Variants in LMO3 observed in about 807,000 individuals in gnomAD.
The protein encoded by LMO3 is LIM domain only 3.
LMO3 carries 2 observed loss-of-function variants against 15.8 expected under a neutral mutation model. The observed-to-expected ratio is 0.13, with a 90% CI of 0.05 to 0.40. LMO3 has a LOEUF of 0.40. Among genes scored for constraint, LMO3 ranks in the 10% least tolerant of loss-of-function variants. The pLI, the probability that LMO3 is intolerant of heterozygous loss-of-function variation, is 0.99. For missense variants in LMO3, 86 were observed against 182.2 expected (o/e 0.47, Z 3.04); for synonymous variants, 62 against 63.8 (o/e 0.97, Z 0.13).
chr12:16,555,811 A>G lies in LMO3; in HGVS notation c.333-4484T>C, dbSNP rs1421262317. ...AATTTGCCTGAAAATTCCTTTCCTC[A>G]CTGCTCCCTGGCTCCCTCATCTTCC... On this transcript the variant is annotated intron_variant, in intron 3 of 3. Coordinates refer to ENST00000537304, the MANE Select transcript of LMO3 (RefSeq NM_018640.5). This position sits in a 1 kb window ranked among gnomAD's most constrained non-coding sequence, Gnocchi z 5.5. 6.6e-6 allele frequency among the ~76,000 whole-genome samples: 1 copy of G among 152,030 alleles called. No homozygotes were observed. The highest frequency in any genetic ancestry group is 2.4e-5 in the African/African-American group (1 of 41,452).
At position 16,549,963 on chromosome 12, in the gene LMO3, TGA is replaced by T. The variant is rs1201691396; in HGVS notation, c.*1257_*1258del. ...CTGAGTTGGCAATTACTTAAAACAA[TGA>T]GAGAGTAAAACACATCAAACTTAAA... is the stretch of plus-strand genomic sequence containing the variant. On this transcript the variant is annotated 3_prime_UTR_variant, in exon 4 of 4. Transcript: ENST00000537304. 1 of 152,058 alleles carries T rather than the reference TGA, an allele frequency of 6.6e-6. No individual in the cohort carries two copies. Among genetic ancestry groups the T allele is most frequent in the African/African-American group, 2.4e-5 (1 of 41,420 alleles). 9.4% of individuals were successfully genotyped at this position (152,058 alleles called of 1,614,324 possible).
chr12:16,590,834 G>C (rs1358980593), intron 2 of LMO3, among the ~76,000 whole-genome samples: 1 of 151,848 alleles, frequency 6.6e-6, no homozygotes, highest in Non-Finnish European at 1.5e-5. Flanking sequence ...CCCTTAGATT[G>C]GCAACAGATC....
At position 16,548,993 on chromosome 12, in the gene LMO3, G is replaced by A. The variant is rs1245359386; in HGVS notation, c.*2229C>T. 1 of 152,142 alleles carries A rather than the reference G, an allele frequency of 6.6e-6. No homozygotes were observed. Among genetic ancestry groups the A allele is most frequent in the African/African-American group, 2.4e-5 (1 of 41,444 alleles). The allele number at this position is 152,142 out of a possible 1,614,324, so 9.4% of individuals were successfully genotyped here. A position where few individuals can be genotyped will look rare whatever the true frequency, so the allele number is the denominator to read the frequency against. Reference sequence around the variant, plus strand: ...GAACAACTTCAAGAAGCTGAGAGAAGTTTGTTCCCAATTTACAAGTATTTT... The same window carrying A: ...GAACAACTTCAAGAAGCTGAGAGAAATTTGTTCCCAATTTACAAGTATTTT... On this transcript the variant is annotated 3_prime_UTR_variant, in exon 4 of 4. Transcript: ENST00000537304. The surrounding 1 kb of genome is among the most constrained non-coding windows in gnomAD (Gnocchi z 4.2).
In LMO3 at chr12:16,604,679, T is replaced by C. The variant is rs1943930823; in HGVS notation, c.-9+1387A>G. ...CCACACAGGGATGGTTTGCAAAGAA[T>C]GTAGCAGTATTTGTTGCATCTAGCA... On this transcript the variant is annotated intron_variant, in intron 1 of 3. Transcript: ENST00000537304. The surrounding 1 kb of genome is among the most constrained non-coding windows in gnomAD (Gnocchi z 5.3). 2 of 649,878 alleles carry C rather than the reference T, an allele frequency of 3.1e-6. No individual in the cohort carries two copies. The highest frequency in any genetic ancestry group is 2.6e-6 in the Non-Finnish European group (1 of 378,288). 40.3% of individuals were successfully genotyped at this position (649,878 alleles called of 1,614,324 possible).
chr12:16,566,524 A>G, intron 2 of LMO3, among the ~76,000 whole-genome samples: 1 of 152,166 alleles, frequency 6.6e-6, no homozygotes, highest in East Asian at 1.9e-4. Flanking sequence ...TACCCTAGAA[A>G]TATGTACCAT....
In LMO3 at chr12:16,550,404, T is replaced by A. The variant is rs1156466806; in HGVS notation, c.*818A>T. 6.6e-6 allele frequency: 1 copy of A among 152,342 alleles called. No individual in the cohort carries two copies. The highest frequency in any genetic ancestry group is 1.5e-5 in the Non-Finnish European group (1 of 67,884). The allele number at this position is 152,342 out of a possible 1,614,324, so 9.4% of individuals were successfully genotyped here. A position where few individuals can be genotyped will look rare whatever the true frequency, so the allele number is the denominator to read the frequency against. ...AAGGCACTAGTTCACATAAGGGGTG[T>A]GGCTGAAAAAGCAAAACAAAGCCAT... On this transcript the variant is annotated 3_prime_UTR_variant, in exon 4 of 4. Coordinates refer to ENST00000537304, the MANE Select transcript of LMO3 (RefSeq NM_018640.5).
intron 2 of LMO3, among the ~76,000 whole-genome samples, chr12:16,572,573 C>A (rs1942853063): frequency 6.7e-6 from 1 of 149,728 alleles, no homozygotes; most frequent in South Asian, 2.1e-4. Flanking sequence ...GGATGTCAAA[C>A]CCTTCATAAA....
intron 1 of LMO3, chr12:16,605,695 C>T (rs145135946): frequency 2.9e-6 from 4 of 1,393,588 alleles, no homozygotes; most frequent in Non-Finnish European, 3.9e-6. Flanking sequence ...CTGCCCCTCT[C>T]TCCCCGGGAG....
At chr12:16,608,325 G>A (rs1233445297), upstream of LMO3, 1 of 152,134 alleles carries the variant, frequency 6.6e-6, no homozygotes, top group African/African-American at 2.4e-5. This position sits in a 1 kb window ranked among gnomAD's most constrained non-coding sequence, Gnocchi z 4.1. Context: ...TCAAGGAGAT[G>A]AGATTTTTTT....
In LMO3 at chr12:16,591,727, T is replaced by C. The variant is rs1943500314; in HGVS notation, c.206+8928A>G. ...ATATCTGTGATAAGAGATGGAACAA[T>C]ACAAATAGCATGAAAGTTACAAGCT... On this transcript the variant is annotated intron_variant, in intron 2 of 3. Transcript: ENST00000537304. This position sits in a 1 kb window ranked among gnomAD's most constrained non-coding sequence, Gnocchi z 4.1. Among the ~76,000 whole-genome samples, 1 of 152,168 alleles carries C rather than the reference T, an allele frequency of 6.6e-6. No individual in the cohort carries two copies. Among genetic ancestry groups the C allele is most frequent in the East Asian group, 1.9e-4 (1 of 5,176 alleles).
intron 2 of LMO3, chr12:16,594,378 G>A: frequency 1.2e-6 from 1 of 842,682 alleles, no homozygotes; most frequent in Non-Finnish European, 1.7e-6. Context: ...ATAGAGACAT[G>A]GCTAATACAA....
chr12:16,561,401 T>C (rs1942399882), intron 2 of LMO3, among the ~76,000 whole-genome samples: 1 of 152,134 alleles, frequency 6.6e-6, no homozygotes, highest in African/African-American at 2.4e-5. Flanking sequence ...TGCACTTTTT[T>C]ACTAGGAAGC....
chr12:16,577,864 C>T (rs1198262670), intron 2 of LMO3, among the ~76,000 whole-genome samples: 1 of 152,144 alleles, frequency 6.6e-6, no homozygotes, highest in Non-Finnish European at 1.5e-5. Flanking sequence ...AAATGTGTCA[C>T]CTAATTATGG....
At chr12:16,605,863 A>C (rs1184680455) in intron 1 of LMO3, 30 of 1,522,556 alleles carry the variant, frequency 2.0e-5, no homozygotes, top group Non-Finnish European at 2.6e-5. Flanking sequence ...ATGAAGCCTC[A>C]CATGATTTAA....
intron 1 of LMO3, chr12:16,605,170 A>C: frequency 7.3e-7 from 1 of 1,363,092 alleles, no homozygotes; most frequent in Non-Finnish European, 9.4e-7. Context: ...TGCTTCCCTA[A>C]CTCTGCCCGT....
rs1248017378 is a variant in LMO3 at position 16,603,695 on chromosome 12, T to A, written c.-9+2371A>T. 1.3e-5 allele frequency among the ~76,000 whole-genome samples: 2 copies of A among 152,238 alleles called. No individual in the cohort carries two copies. The highest frequency in any genetic ancestry group is 2.9e-5 in the Non-Finnish European group (2 of 68,034). ...TTTCATTTAAACTCTGGTGAGCTTTTAATTGCCTGGATTGCATTGTGAAGC... is the reference window on the plus strand; with the variant it reads ...TTTCATTTAAACTCTGGTGAGCTTTAAATTGCCTGGATTGCATTGTGAAGC... On this transcript the variant is annotated intron_variant, in intron 1 of 3. Coordinates refer to ENST00000537304, the MANE Select transcript of LMO3 (RefSeq NM_018640.5). This position sits in a 1 kb window ranked among gnomAD's most constrained non-coding sequence, Gnocchi z 4.9.
chr12:16,598,890 G>C lies in LMO3; in HGVS notation c.206+1765C>G. 1 of 282,276 alleles carries C rather than the reference G, an allele frequency of 3.5e-6. No individual in the cohort carries two copies. 17.5% of individuals were successfully genotyped at this position (282,276 alleles called of 1,614,324 possible). The stretch of plus-strand genomic sequence containing the variant: ...AAGTTTACTTAATTTTTGTCCTTTG[G>C]TTTATTAAAACACCTTAACATTGCC... On this transcript the variant is annotated intron_variant, in intron 2 of 3. Coordinates refer to ENST00000537304, the MANE Select transcript of LMO3 (RefSeq NM_018640.5). The surrounding 1 kb of genome is among the most constrained non-coding windows in gnomAD (Gnocchi z 4.3).
chr12:16,553,756 A>G (rs932146561), intron 3 of LMO3, among the ~76,000 whole-genome samples: 1 of 152,076 alleles, frequency 6.6e-6, no homozygotes. Flanking sequence ...TTTCAGAGAC[A>G]GCAATACAGA....
Position 16,577,573 on chromosome 12 carries a change from T to C in LMO3, c.207-17035A>G, listed in dbSNP as rs535965106. On this transcript the variant is annotated intron_variant, in intron 2 of 3. Transcript: ENST00000537304. ...TAGATGTTGTATATAATAAAACAAATAAGAATTTCCCCTGTTCACAAAACG... is the reference window on the plus strand; with the variant it reads ...TAGATGTTGTATATAATAAAACAAACAAGAATTTCCCCTGTTCACAAAACG... Among the ~76,000 whole-genome samples the C allele has an allele frequency of 4.6e-5, 7 of 152,258 alleles. No homozygotes were observed. The South Asian group carries it at 1.2e-3, about 27-fold the overall frequency.
Sources: gnomAD v4.1 joint callset for allele counts (sites outside exome capture counted in the v4.1 genomes callset) on GRCh38, gnomAD v4.1.1 for gene constraint, Gnocchi (gnomAD v3.1) non-coding constraint, MANE v1.5 for transcripts, NCBI Gene and HGNC (gene_info 2026-07-23, HGNC 2026-07-21) for gene names.